The following GPHN variants were observed in gnomAD, a reference collection of about 807,000 sequenced individuals.
The protein encoded by GPHN is gephyrin.
Under a neutral mutation model 95.5 loss-of-function variants are expected in GPHN, and 17 were observed. The ratio of observed to expected loss-of-function variants is 0.18; its 90% CI spans 0.12 to 0.27. The LOEUF (loss-of-function observed/expected upper bound fraction) is 0.27. Among genes scored for constraint, GPHN ranks in the 10% least tolerant of loss-of-function variants. GPHN has a pLI of 1.00. For synonymous variants in GPHN, 320 were observed against 322.5 expected (o/e 0.99, Z 0.08); for missense variants, 660 against 978.1 (o/e 0.67, Z 4.34).
At chr14:67,318,565 G>A in the GPHN span, among the ~76,000 whole-genome samples, 1,164 of 152,200 alleles carry the variant, frequency 7.6e-3, 13 homozygotes, top group African/African-American at 0.025. Flanking sequence ...TTGATTATAC[G>A]TGTTAGAATA....
chr14:67,214,103 C>T, the GPHN span, among the ~76,000 whole-genome samples: 1 of 152,186 alleles, frequency 6.6e-6, no homozygotes, highest in Admixed American at 6.5e-5. Flanking sequence ...AATGTCCTCC[C>T]ATTTTATAGG....
chr14:67,728,685 C>G, the GPHN span, among the ~76,000 whole-genome samples: 146,256 of 149,968 alleles, frequency 0.98, 71,415 homozygotes, highest in South Asian at 1. Context: ...AAATAGTGAC[C>G]GCACCAGGGA....
intron 7 of GPHN, among the ~76,000 whole-genome samples, chr14:66,923,741 A>G (rs1314923796): frequency 1.3e-5 from 2 of 152,116 alleles, no homozygotes; most frequent in African/African-American, 4.8e-5. Flanking sequence ...GCTATATGAC[A>G]TAATTATCAG....
At chr14:66,949,719 C>T (rs936079043) in intron 8 of GPHN, among the ~76,000 whole-genome samples, 1 of 152,072 alleles carries the variant, frequency 6.6e-6, no homozygotes, top group Non-Finnish European at 1.5e-5. Context: ...AGCCTTGCAA[C>T]TTTGCTTTAA....
rs150266482 is a variant in GPHN at position 66,933,399 on chromosome 14, A to G, written c.828+9107A>G. On this transcript the variant is annotated intron_variant, in intron 8 of 22. Transcript: ENST00000478722. ...GTGAGAACAGTCATTTGGAATATCT[A>G]TATATACTATTTGGCTTACTTTTAC... is the stretch of plus-strand genomic sequence containing the variant. 9.7e-3 allele frequency among the ~76,000 whole-genome samples: 1,472 copies of G among 152,270 alleles called. 25 individuals are homozygous for G. The highest frequency in any genetic ancestry group is 0.032 in the African/African-American group (1,337 of 41,550).
chr14:67,528,625 A>T, the GPHN span, among the ~76,000 whole-genome samples: 1 of 152,166 alleles, frequency 6.6e-6, no homozygotes, highest in Non-Finnish European at 1.5e-5. Context: ...GAGCTCCACC[A>T]GCTCCCAACT....
chr14:66,749,105 A>G (rs925412292), intron 2 of GPHN, among the ~76,000 whole-genome samples: 1 of 151,912 alleles, frequency 6.6e-6, no homozygotes, highest in African/African-American at 2.4e-5. Context: ...GGATTCTTAT[A>G]GTGTGTGTCC....
At chr14:67,725,088 C>G in the GPHN span, 1 of 1,613,930 alleles carries the variant, frequency 6.2e-7, no homozygotes, top group Non-Finnish European at 8.5e-7. Flanking sequence ...CTTTTTTTGT[C>G]TTGGACCCAG....
At chr14:66,635,643 A>G (rs2064056830) in intron 1 of GPHN, among the ~76,000 whole-genome samples, 1 of 152,172 alleles carries the variant, frequency 6.6e-6, no homozygotes, top group East Asian at 1.9e-4. Flanking sequence ...TGTAATTCTG[A>G]TATCTGCCAT....
At chr14:67,464,777 C>T in the GPHN span, among the ~76,000 whole-genome samples, 2 of 152,312 alleles carry the variant, frequency 1.3e-5, no homozygotes, top group East Asian at 1.9e-4. Flanking sequence ...CTGTTATTTT[C>T]GCAAGTTCTG....
chr14:67,467,659 A>G, the GPHN span: 8 of 152,190 alleles, frequency 5.3e-5, no homozygotes, highest in African/African-American at 1.9e-4. Context: ...TTTAACTGCA[A>G]ATAGCACCCA....
At chr14:67,560,727 C>CTTTTTTT in the GPHN span, among the ~76,000 whole-genome samples, 2 of 126,428 alleles carry the variant, frequency 1.6e-5, no homozygotes, top group Admixed American at 8.2e-5. Context: ...GAACATATAT[C>CTTTTTTT]TTTTTTTTTT....
chr14:66,832,782 G>C (rs1390266544), intron 4 of GPHN, among the ~76,000 whole-genome samples: 1 of 152,028 alleles, frequency 6.6e-6, no homozygotes, highest in Non-Finnish European at 1.5e-5. Flanking sequence ...GAAATATTTA[G>C]CCAATTCAGG....
At chr14:67,023,603 T>C (rs767165673) in intron 9 of GPHN, 30 bp from the exon 10 acceptor site, 13 of 1,600,636 alleles carry the variant, frequency 8.1e-6, no homozygotes, top group Non-Finnish European at 1.0e-5. Context: ...CTATAAACCC[T>C]AAATTACTGA....
At chr14:66,652,918 T>C (rs1365335232) in intron 1 of GPHN, among the ~76,000 whole-genome samples, 1 of 152,168 alleles carries the variant, frequency 6.6e-6, no homozygotes, top group African/African-American at 2.4e-5. Context: ...AGCTGCCCTA[T>C]ATTCACAACC....
At chr14:67,147,675 T>C (rs2080980235) in intron 18 of GPHN, among the ~76,000 whole-genome samples, 1 of 152,180 alleles carries the variant, frequency 6.6e-6, no homozygotes, top group Admixed American at 6.5e-5. Context: ...GTGCTGGGAT[T>C]ATAGGCGTGA....
At chr14:67,303,683 CT>C in the GPHN span, 4 of 915,052 alleles carry the variant, frequency 4.4e-6, no homozygotes, top group Non-Finnish European at 7.2e-6. Flanking sequence ...AGAAATGTCA[CT>C]GTTTCCTGTA....
chr14:66,825,781 G>A (rs1395084835), intron 4 of GPHN, among the ~76,000 whole-genome samples: 3 of 152,100 alleles, frequency 2.0e-5, no homozygotes, highest in Admixed American at 6.5e-5. Flanking sequence ...GAGTCGTATT[G>A]AGAGGTTAAC....
rs558144590 is a variant in GPHN, at chr14:66,652,483, CAAAG to C, written c.65-28620_65-28617del. Among the ~76,000 whole-genome samples the C allele has an allele frequency of 2.2e-3, 333 of 151,266 alleles. 6 individuals are homozygous for C. The highest frequency in any genetic ancestry group is 3.6e-3 in the Admixed American group (55 of 15,178). ...TGCTGCAGAGATTTTTTCTGTGACACAAAGAAACATTAAATGCTTATGCTTCTTT... is the reference window on the plus strand; with the variant it reads ...TGCTGCAGAGATTTTTTCTGTGACACAAACATTAAATGCTTATGCTTCTTT... On this transcript the variant is annotated intron_variant, in intron 1 of 22. Transcript: ENST00000478722.
Sources: allele counts gnomAD v4.1 joint callset (sites outside exome capture counted in the v4.1 genomes callset), GRCh38; gene constraint gnomAD v4.1.1; transcripts MANE v1.5; gene names NCBI Gene and HGNC (gene_info 2026-07-23, HGNC 2026-07-21).